RNF19A: variants seen among roughly 807,000 people sequenced by gnomAD.
RNF19A encodes ring finger protein 19A, RBR E3 ubiquitin protein ligase.
A neutral mutation model predicts 75.7 loss-of-function variants in RNF19A; 32 were observed. The ratio of observed to expected loss-of-function variants is 0.42; its 90% CI spans 0.32 to 0.57. The LOEUF is 0.57. RNF19A is among the 20% of genes least tolerant of loss of function. The probability of loss-of-function intolerance (pLI) is 0.10; values close to 1 mark genes in which losing one functional copy is unlikely to be tolerated. For missense variants in RNF19A, 782 were observed against 1,036.3 expected (o/e 0.75, Z 3.37); for synonymous variants, 335 against 345.2 (o/e 0.97, Z 0.33).
chr8:100,270,857 C>T (rs7837658), intron 3 of RNF19A, among the ~76,000 whole-genome samples: 19,976 of 152,050 alleles, frequency 0.13, 4,004 homozygotes, highest in African/African-American at 0.43. Context: ...TGCACAATGG[C>T]GTCAAGTTAA....
intron 1 of RNF19A, among the ~76,000 whole-genome samples, chr8:100,319,037 A>T (rs956539966): frequency 1.3e-5 from 2 of 152,258 alleles, no homozygotes; most frequent in African/African-American, 4.8e-5. Flanking sequence ...TTTGCAGCTA[A>T]TGTAAAGCTG....
chr8:100,292,201 T>C (rs995012904), intron 1 of RNF19A, among the ~76,000 whole-genome samples: 11 of 152,092 alleles, frequency 7.2e-5, no homozygotes, highest in Non-Finnish European at 1.6e-4. Flanking sequence ...GAGAAGATAA[T>C]AAAGAATAAA....
Position 100,257,483 on chromosome 8 carries a change from C to T in RNF19A, c.*1073G>A, listed in dbSNP as rs1819510748. 1 of 152,608 alleles carries T rather than the reference C, an allele frequency of 6.6e-6. No homozygotes were observed. 9.5% of individuals were successfully genotyped at this position (152,608 alleles called of 1,614,324 possible). Reference sequence around the variant, plus strand: ...AAAATAATGCTAATCATACATGGACCTTTTGTACTTGGTACAAGTTCTGCA... The same window carrying T: ...AAAATAATGCTAATCATACATGGACTTTTTGTACTTGGTACAAGTTCTGCA... On this transcript the variant is annotated 3_prime_UTR_variant, in exon 10 of 10. Coordinates refer to ENST00000341084, the MANE Select transcript of RNF19A (RefSeq NM_183419.4).
rs1820159600 is a variant in RNF19A, at chr8:100,269,654, T to C, written c.1028+215A>G. The stretch of plus-strand genomic sequence containing the variant: ...ATTACATACTTACTAGCATTCTAGT[T>C]TAACAAAAACAAAAAAAGGAAATAT... On this transcript the variant is annotated intron_variant, in intron 4 of 9. Coordinates refer to ENST00000341084, the MANE Select transcript of RNF19A (RefSeq NM_183419.4). The surrounding 1 kb of genome is among the most constrained non-coding windows in gnomAD (Gnocchi z 5.7). Among the ~76,000 whole-genome samples, 1 of 152,156 alleles carries C rather than the reference T, an allele frequency of 6.6e-6. No homozygotes were observed. The highest frequency in any genetic ancestry group is 2.4e-5 in the African/African-American group (1 of 41,452).
chr8:100,295,685 T>C (rs1490143848), intron 1 of RNF19A, among the ~76,000 whole-genome samples: 5 of 152,180 alleles, frequency 3.3e-5, no homozygotes, highest in Non-Finnish European at 7.3e-5. Flanking sequence ...TACCAAAAAA[T>C]AGATAATTAT....
In RNF19A at chr8:100,288,262, G is replaced by A. The variant is rs1331926798; in HGVS notation, c.-88C>T. The A allele has an allele frequency of 7.3e-7, 1 of 1,365,828 alleles. No homozygotes were observed. Among genetic ancestry groups the A allele is most frequent in the Non-Finnish European group, 9.4e-7 (1 of 1,058,548 alleles). 84.6% of individuals were successfully genotyped at this position (1,365,828 alleles called of 1,614,324 possible). A position where few individuals can be genotyped will look rare whatever the true frequency, so the allele number is the denominator to read the frequency against. The stretch of plus-strand genomic sequence containing the variant: ...CGATTTACAGAAGACTGCTATCATG[G>A]ATGTTCTGAAAAATAAAAAATAAAA... On this transcript the variant is annotated 5_prime_UTR_variant, in exon 2 of 10. Transcript: ENST00000341084.
rs1180754759 is a variant in RNF19A at position 100,284,583 on chromosome 8, CAG to C, written c.674+2916_674+2917del. ...AATCACGTGGTTGTTTTCATAGTAA[CAG>C]AGTCTAGTAAAGCAAGTGTTTCTAT... On this transcript the variant is annotated intron_variant, in intron 2 of 9. Coordinates refer to ENST00000341084, the MANE Select transcript of RNF19A (RefSeq NM_183419.4). This position sits in a 1 kb window ranked among gnomAD's most constrained non-coding sequence, Gnocchi z 4.3. Among the ~76,000 whole-genome samples, 19 of 152,112 alleles carry C rather than the reference CAG, an allele frequency of 1.2e-4. No homozygotes were observed. In the East Asian group the frequency reaches 1.9e-3, roughly 15 times the overall value.
chr8:100,271,498 A>G (rs1820252589), intron 3 of RNF19A, among the ~76,000 whole-genome samples: 1 of 152,232 alleles, frequency 6.6e-6, no homozygotes, highest in East Asian at 1.9e-4. Context: ...CTCAAGTAGT[A>G]GGTATCTCAA....
rs1821065961 is a variant in RNF19A, at chr8:100,287,232, T to C, written c.674+269A>G. On this transcript the variant is annotated intron_variant, in intron 2 of 9. Coordinates refer to ENST00000341084, the MANE Select transcript of RNF19A (RefSeq NM_183419.4). This position sits in a 1 kb window ranked among gnomAD's most constrained non-coding sequence, Gnocchi z 4.1. ...CTCCAAATGGATGAGAAAACCAATT[T>C]TGTATACAACTAGATCCTGTACTCT... 6.6e-6 allele frequency among the ~76,000 whole-genome samples: 1 copy of C among 152,172 alleles called. No homozygotes were observed. Among genetic ancestry groups the C allele is most frequent in the South Asian group, 2.1e-4 (1 of 4,828 alleles).
intron 2 of RNF19A, among the ~76,000 whole-genome samples, chr8:100,276,611 C>G (rs570404344): frequency 6.6e-6 from 1 of 150,906 alleles, no homozygotes; most frequent in Non-Finnish European, 1.5e-5. Flanking sequence ...AAAAATTAGC[C>G]GGGAGTGGTG....
Position 100,264,924 on chromosome 8 carries a change from C to T in RNF19A, c.1192-139G>A. ...AGTATCTTAGTTCAAGGTAAACCTA[C>T]TAGTGTCCTTAAACTATTATATATT... is the stretch of plus-strand genomic sequence containing the variant. On this transcript the variant is annotated intron_variant, in intron 5 of 9. Transcript: ENST00000341084. This position sits in a 1 kb window ranked among gnomAD's most constrained non-coding sequence, Gnocchi z 4.7. 3.2e-6 allele frequency: 2 copies of T among 623,548 alleles called. No individual in the cohort carries two copies. Among genetic ancestry groups the T allele is most frequent in the South Asian group, 2.0e-5 (1 of 51,206 alleles). 38.6% of individuals were successfully genotyped at this position (623,548 alleles called of 1,614,324 possible). A position where few individuals can be genotyped will look rare whatever the true frequency, so the allele number is the denominator to read the frequency against.
In RNF19A at chr8:100,264,130, C is replaced by T. The variant is rs751894976; in HGVS notation, c.1372G>A (p.Gly458Arg). ...TTGCCTGCTGAGACTCCACAACCTC[C>T]GCTTCGACAAAGAGAAATTGGAACT... is the stretch of plus-strand genomic sequence containing the variant. The part of the protein sequence containing the change: ...GVVPISLCRS[G>R]GCGVSAGNGK... Residue 458 changes from glycine (G) to arginine (R), a missense_variant, in exon 7 of 10, where the codon GGA becomes AGA. Around this residue, in one of 7 missense-constraint regions of RNF19A, gnomAD observed 442 missense variants for 541.6 expected, o/e 0.82. Transcript: ENST00000341084. This position sits in a 1 kb window ranked among gnomAD's most constrained non-coding sequence, Gnocchi z 4.7. The T allele has an allele frequency of 6.2e-6, 10 of 1,613,650 alleles. No homozygotes were observed. In the South Asian group the frequency reaches 8.8e-5, roughly 14 times the overall value.
rs955075434 is a variant in RNF19A at position 100,332,951 on chromosome 8, A to C, written c.-243+3157T>G. On this transcript the variant is annotated intron_variant, in intron 1 of 3. Transcript: ENST00000519527. The surrounding 1 kb of genome is among the most constrained non-coding windows in gnomAD (Gnocchi z 4.8). Reference sequence around the variant, plus strand: ...TGCTGTTTAATCTTTCATTTTGTCTATGGGTTCTCTTTTTGCTTTGTCTTA... The same window carrying C: ...TGCTGTTTAATCTTTCATTTTGTCTCTGGGTTCTCTTTTTGCTTTGTCTTA... Among the ~76,000 whole-genome samples, 5 of 151,774 alleles carry C rather than the reference A, an allele frequency of 3.3e-5. No homozygotes were observed. Among genetic ancestry groups the C allele is most frequent in the Non-Finnish European group, 5.9e-5 (4 of 67,946 alleles).
rs1012298715 is a variant in RNF19A at position 100,325,108 on chromosome 8, A to T, written c.-243+11000T>A. ...TTTTTAGTAGAGATGGGGTTTCACC[A>T]TGTTGGTCAGGCTGGTCTCGAACTC... is the stretch of plus-strand genomic sequence containing the variant. On this transcript the variant is annotated intron_variant, in intron 1 of 3. Transcript: ENST00000519527. The surrounding 1 kb of genome is among the most constrained non-coding windows in gnomAD (Gnocchi z 4.3). 1.3e-5 allele frequency among the ~76,000 whole-genome samples: 2 copies of T among 152,062 alleles called. No individual in the cohort carries two copies. Among genetic ancestry groups the T allele is most frequent in the Non-Finnish European group, 2.9e-5 (2 of 68,000 alleles).
chr8:100,310,079 G>A (rs1242709424), upstream of RNF19A: 7 of 985,412 alleles, frequency 7.1e-6, no homozygotes, highest in East Asian at 6.8e-4. Context: ...GCTGCTCCCG[G>A]GAACCAGCGC....
chr8:100,294,532 C>T (rs1821457913), intron 1 of RNF19A, among the ~76,000 whole-genome samples: 1 of 152,066 alleles, frequency 6.6e-6, no homozygotes, highest in Admixed American at 6.6e-5. Flanking sequence ...AGTTACTTAC[C>T]ATAACTCCCT....
intron 2 of RNF19A, among the ~76,000 whole-genome samples, chr8:100,285,735 T>A (rs534933981): frequency 3.9e-5 from 6 of 151,960 alleles, no homozygotes; most frequent in Non-Finnish European, 5.9e-5. Flanking sequence ...TGGGTTCAAG[T>A]TACCTTCCCG....
At chr8:100,310,236 G>C (rs978507862), upstream of RNF19A, 42 of 985,130 alleles carry the variant, frequency 4.3e-5, 1 homozygote, top group Middle Eastern at 1.6e-3. Context: ...GCTGCGGGCG[G>C]CTCTGGACGC....
chr8:100,272,842 G>A (rs1033638208), intron 3 of RNF19A, among the ~76,000 whole-genome samples: 1 of 132,016 alleles, frequency 7.6e-6, no homozygotes, highest in East Asian at 2.3e-4. Flanking sequence ...AAGCCACTGC[G>A]CCCAGCCCTC....
Sources: gnomAD v4.1 joint callset for allele counts (sites outside exome capture counted in the v4.1 genomes callset) on GRCh38, gnomAD v4.1.1 for gene constraint, gnomAD v4.1.1 regional missense constraint, Gnocchi (gnomAD v3.1) non-coding constraint, MANE v1.5 for transcripts, NCBI Gene and HGNC (gene_info 2026-07-23, HGNC 2026-07-21) for gene names.